Variants in GRB10 observed in about 807,000 individuals in gnomAD.
GRB10 encodes the protein growth factor receptor bound protein 10, also known as growth factor receptor-bound protein 10.
A neutral mutation model predicts 80.9 loss-of-function variants in GRB10; 20 were observed. The observed-to-expected ratio is 0.25, with a 90% CI of 0.17 to 0.36. The LOEUF (loss-of-function observed/expected upper bound fraction) is 0.36. GRB10 is among the 10% of genes least tolerant of loss of function. The pLI, the probability that GRB10 is intolerant of heterozygous loss-of-function variation, is 1.00. For synonymous variants in GRB10, 291 were observed against 291.5 expected, an observed-to-expected ratio of 1.00 and a Z score of 0.02; for missense variants, 548 against 747.7, an observed-to-expected ratio of 0.73 and a Z score of 3.12.
chr7:50,790,766 T>C (rs117972255), intron 1 of GRB10, among the ~76,000 whole-genome samples: 2 of 152,390 alleles, frequency 1.3e-5, no homozygotes, highest in East Asian at 3.9e-4. Context: ...GCATTCGGTT[T>C]TACCAGATAA....
chr7:50,645,482 C>T (rs1246927426), intron 7 of GRB10: 1 of 422,258 alleles, frequency 2.4e-6, no homozygotes, highest in Non-Finnish European at 3.2e-6. Flanking sequence ...AAAAACACTG[C>T]CATTTGGGCA....
intron 7 of GRB10, among the ~76,000 whole-genome samples, chr7:50,666,155 C>T (rs1018358807): frequency 1.3e-5 from 2 of 152,220 alleles, no homozygotes; most frequent in African/African-American, 4.8e-5. Context: ...TCTTTTGGCA[C>T]ATGCCTGCCA....
At chr7:50,684,365 CAAT>C (rs2061883041) in intron 5 of GRB10, among the ~76,000 whole-genome samples, 1 of 143,462 alleles carries the variant, frequency 7.0e-6, no homozygotes, top group South Asian at 2.2e-4. Context: ...GGGAGTTGTA[CAAT>C]AATTATATTT....
intron 7 of GRB10, among the ~76,000 whole-genome samples, chr7:50,650,989 A>G (rs1480804724): frequency 1.3e-5 from 2 of 152,238 alleles, no homozygotes; most frequent in African/African-American, 4.8e-5. Flanking sequence ...TTTGATTTAC[A>G]GCATTAATTT....
intron 3 of GRB10, among the ~76,000 whole-genome samples, chr7:50,741,270 C>T (rs1455446907): frequency 6.6e-6 from 1 of 152,044 alleles, no homozygotes; most frequent in Non-Finnish European, 1.5e-5. Context: ...TTATGAAAAA[C>T]AGGCATTTGC....
chr7:50,695,031 G>A (rs967012302), intron 5 of GRB10, among the ~76,000 whole-genome samples: 15 of 152,082 alleles, frequency 9.9e-5, no homozygotes, highest in Admixed American at 7.9e-4. Context: ...CTCCCTCCCC[G>A]TGCCTGGGAC....
chr7:50,653,241 G>A (rs2058204927), intron 7 of GRB10, among the ~76,000 whole-genome samples: 1 of 152,186 alleles, frequency 6.6e-6, no homozygotes, highest in Non-Finnish European at 1.5e-5. Context: ...TGCTCCGAGG[G>A]AGGACTGTGT....
upstream of GRB10, among the ~76,000 whole-genome samples, chr7:50,786,957 G>A (rs917177882): frequency 6.6e-6 from 1 of 152,206 alleles, no homozygotes; most frequent in Non-Finnish European, 1.5e-5. Context: ...CCTTGGAAAA[G>A]AGATTCACAC....
At chr7:50,594,594 C>A (rs2046308761) in intron 18 of GRB10, among the ~76,000 whole-genome samples, 1 of 152,164 alleles carries the variant, frequency 6.6e-6, no homozygotes, top group Admixed American at 6.5e-5. Context: ...CCACAGGATG[C>A]ATTTCACAAA....
intron 7 of GRB10, among the ~76,000 whole-genome samples, chr7:50,645,102 A>G (rs969198516): frequency 5.3e-5 from 8 of 152,322 alleles, no homozygotes; most frequent in African/African-American, 1.9e-4. Flanking sequence ...CATGCCAGAA[A>G]ATGTATTTGA....
Position 50,614,807 on chromosome 7 carries a change from T to C in GRB10, c.1058A>G (p.Gln353Arg), listed in dbSNP as rs779123144. 24 of 1,613,954 alleles carry C rather than the reference T, an allele frequency of 1.5e-5. No individual in the cohort carries two copies. The highest frequency in any genetic ancestry group is 1.9e-5 in the Non-Finnish European group (22 of 1,179,998). ...CCCGTGGTCTGTAGGGGCGTTGTAC[T>C]GCTTCCTGCCAGCGATCAGGGAGAA... ...NIFSLIAGRK[Q>R]YNAPTDHGLC... The change falls in exon 12 of 19, where the codon CAG (glutamine) becomes CGG (arginine). Residue 353 changes from glutamine to arginine, a missense_variant. By Grantham distance (43) the Gln-to-Arg change is conservative (BLOSUM62 1). Around this residue, in one of 4 missense-constraint regions of GRB10, gnomAD observed 270 missense variants for 433.6 expected, o/e 0.62. Transcript: ENST00000401949.
intron 3 of GRB10, among the ~76,000 whole-genome samples, chr7:50,739,763 G>C (rs376826075): frequency 6.6e-6 from 1 of 152,148 alleles, no homozygotes; most frequent in South Asian, 2.1e-4. Context: ...GCTCCCTCAC[G>C]TCCCCTCCCA....
chr7:50,713,732 T>C (rs1179972913), intron 4 of GRB10, among the ~76,000 whole-genome samples: 2 of 73,240 alleles, frequency 2.7e-5, no homozygotes, highest in Non-Finnish European at 5.4e-5. Context: ...TCCTCTACTA[T>C]CACATCACCT....
At chr7:50,675,230 C>T (rs2060802573) in intron 5 of GRB10, among the ~76,000 whole-genome samples, 2 of 152,240 alleles carry the variant, frequency 1.3e-5, no homozygotes, top group South Asian at 4.1e-4. Flanking sequence ...GGGTGCCCAC[C>T]CATCCTCTCG....
intron 3 of GRB10, among the ~76,000 whole-genome samples, chr7:50,735,266 G>C (rs1271361957): frequency 6.6e-6 from 1 of 152,192 alleles, no homozygotes; most frequent in Non-Finnish European, 1.5e-5. Flanking sequence ...TGAACTACTT[G>C]TACACTGAAA....
intron 2 of GRB10, among the ~76,000 whole-genome samples, chr7:50,769,306 T>C (rs999082043): frequency 2.6e-5 from 4 of 152,202 alleles, no homozygotes; most frequent in Admixed American, 1.3e-4. Context: ...TCCTCCACTG[T>C]TGTGATGCTA....
At chr7:50,748,359 C>A (rs1295956878) in intron 3 of GRB10, among the ~76,000 whole-genome samples, 1 of 152,192 alleles carries the variant, frequency 6.6e-6, no homozygotes, top group East Asian at 1.9e-4. Flanking sequence ...TGCAGATGGA[C>A]ACGAGTGGGC....
Position 50,676,343 on chromosome 7 carries a change from G to T in GRB10, c.140-1685C>A, listed in dbSNP as rs868058166. On this transcript the variant is annotated intron_variant, in intron 5 of 18. Coordinates refer to ENST00000401949, the MANE Select transcript of GRB10 (RefSeq NM_001350814.2). ...AATAGTGTCCACCCCACCGGGGGGG[G>T]GGGGGGGTTGTAAGGACTAGGTTAG... 1.1e-3 allele frequency among the ~76,000 whole-genome samples: 163 copies of T among 150,126 alleles called. 4 individuals carry two copies. The highest frequency in any genetic ancestry group is 3.5e-3 in the East Asian group (18 of 5,078).
chr7:50,776,379 A>AT (rs56983643), intron 2 of GRB10, among the ~76,000 whole-genome samples: 8,384 of 143,504 alleles, frequency 0.058, 332 homozygotes, highest in East Asian at 0.2. Context: ...CACTCCGCTA[A>AT]TTTTTTTTTT....
Sources: gnomAD v4.1 joint callset for allele counts (sites outside exome capture counted in the v4.1 genomes callset) on GRCh38, gnomAD v4.1.1 for gene constraint, gnomAD v4.1.1 regional missense constraint, MANE v1.5 for transcripts, NCBI Gene and HGNC (gene_info 2026-07-23, HGNC 2026-07-21) for gene names.